The following TRPM3 variants were observed in gnomAD, a reference collection of about 807,000 sequenced individuals.
The protein encoded by TRPM3 is long transient receptor potential channel 3.
In TRPM3, 77 loss-of-function variants were observed where a neutral mutation model predicts 181.2. The ratio of observed to expected loss-of-function variants is 0.42; its 90% CI spans 0.35 to 0.51. The LOEUF is 0.51. TRPM3 is among the 20% of genes least tolerant of loss of function. The pLI is 0.01. For synonymous variants in TRPM3, 745 were observed against 796.4 expected, an observed-to-expected ratio of 0.94 and a Z score of 1.09; for missense variants, 1,759 against 2,196.7, an observed-to-expected ratio of 0.80 and a Z score of 3.98.
chr9:70,695,734 C>T (rs2070175870), intron 8 of TRPM3, among the ~76,000 whole-genome samples: 1 of 152,190 alleles, frequency 6.6e-6, no homozygotes, highest in Non-Finnish European at 1.5e-5. Flanking sequence ...TGGGCAAGCA[C>T]TTCACAAACA....
At chr9:71,351,782 C>G (rs1233043975) in intron 1 of TRPM3, among the ~76,000 whole-genome samples, 1 of 151,320 alleles carries the variant, frequency 6.6e-6, no homozygotes, top group Non-Finnish European at 1.5e-5. Flanking sequence ...ATGATAAACA[C>G]TAAGTCCAAC....
At chr9:71,317,446 C>G (rs1016106966) in intron 1 of TRPM3, among the ~76,000 whole-genome samples, 5 of 152,034 alleles carry the variant, frequency 3.3e-5, no homozygotes, top group African/African-American at 1.2e-4. Context: ...TCAAGACCAG[C>G]CTGGGCAACA....
intron 1 of TRPM3, among the ~76,000 whole-genome samples, chr9:71,423,035 C>T (rs1698283099): frequency 6.6e-6 from 1 of 152,050 alleles, no homozygotes; most frequent in South Asian, 2.1e-4. Context: ...CTACGACAAT[C>T]CCCTATATAG....
At position 70,940,525 on chromosome 9, in the gene TRPM3, G is replaced by A. The variant is rs189332494; in HGVS notation, c.178-76014C>T. Among the ~76,000 whole-genome samples, 14 of 152,282 alleles carry A rather than the reference G, an allele frequency of 9.2e-5. No homozygotes were observed. The East Asian group carries it at 2.7e-3, about 29-fold the overall frequency. On this transcript the variant is annotated intron_variant, in intron 1 of 25. Transcript: ENST00000677713. Reference sequence around the variant, plus strand: ...TGCTAAGTGCTATGCTAGGTGATGGGGTGTTCCTTGCCCTTATGGGGCTTA... The same window carrying A: ...TGCTAAGTGCTATGCTAGGTGATGGAGTGTTCCTTGCCCTTATGGGGCTTA...
chr9:70,753,229 C>G (rs1288390063), intron 8 of TRPM3, among the ~76,000 whole-genome samples: 1 of 151,526 alleles, frequency 6.6e-6, no homozygotes, highest in Non-Finnish European at 1.5e-5. Context: ...TTGAGAATTT[C>G]TATTTATCAA....
chr9:71,144,129 T>C (rs552822428), intron 1 of TRPM3, among the ~76,000 whole-genome samples: 1 of 152,282 alleles, frequency 6.6e-6, no homozygotes, highest in South Asian at 2.1e-4. Context: ...ACCATAATAT[T>C]CCTTACATTG....
At chr9:71,288,185 T>G (rs2085462668) in intron 1 of TRPM3, among the ~76,000 whole-genome samples, 1 of 151,144 alleles carries the variant, frequency 6.6e-6, no homozygotes, top group Non-Finnish European at 1.5e-5. Flanking sequence ...TTAAATATAT[T>G]TTTAACTTAT....
intron 1 of TRPM3, among the ~76,000 whole-genome samples, chr9:71,408,245 G>A (rs1280327771): frequency 6.6e-6 from 1 of 152,172 alleles, no homozygotes; most frequent in East Asian, 1.9e-4. Context: ...GCAGGATGGA[G>A]AACGACTTTG....
chr9:71,144,850 GGT>G, intron 1 of TRPM3, among the ~76,000 whole-genome samples: 1 of 152,122 alleles, frequency 6.6e-6, no homozygotes. Flanking sequence ...GAACAGCATT[GGT>G]GTTTTTATTA....
chr9:71,241,386 T>G (rs1565375667), intron 1 of TRPM3, among the ~76,000 whole-genome samples: 1 of 150,822 alleles, frequency 6.6e-6, no homozygotes, highest in Non-Finnish European at 1.5e-5. Context: ...CTCAGCAAAC[T>G]ATCGCAAGGA....
chr9:70,983,053 G>A (rs923624932), intron 1 of TRPM3, among the ~76,000 whole-genome samples: 7 of 151,922 alleles, frequency 4.6e-5, no homozygotes, highest in Non-Finnish European at 8.8e-5. Context: ...ACTCAACCCC[G>A]TGAGTCTGTA....
chr9:71,420,642 AGAGAAAGAG>A (rs2093715970), intron 1 of TRPM3, among the ~76,000 whole-genome samples: 1 of 135,126 alleles, frequency 7.4e-6, no homozygotes. Flanking sequence ...AGAAAAAGAG[AGAGAAAGAG>A]AAAGAAAAAG....
At chr9:71,388,349 C>T (rs193028089) in intron 1 of TRPM3, among the ~76,000 whole-genome samples, 20 of 151,920 alleles carry the variant, frequency 1.3e-4, no homozygotes, top group South Asian at 8.3e-4. Context: ...TCTAAGTAAG[C>T]GCCTGGGTGA....
chr9:70,596,137 G>A (rs1413345958), intron 21 of TRPM3, among the ~76,000 whole-genome samples: 3 of 152,226 alleles, frequency 2.0e-5, no homozygotes, highest in Admixed American at 1.3e-4. Context: ...CATTTAGTAT[G>A]TATTATTTCT....
At chr9:71,172,508 G>A (rs1230670881) in intron 1 of TRPM3, among the ~76,000 whole-genome samples, 3 of 152,088 alleles carry the variant, frequency 2.0e-5, no homozygotes, top group African/African-American at 7.2e-5. Context: ...CTGGGCTCAA[G>A]CAATCCTCCC....
intron 22 of TRPM3, among the ~76,000 whole-genome samples, chr9:70,572,672 G>T (rs956564132): frequency 9.2e-5 from 14 of 152,014 alleles, no homozygotes; most frequent in African/African-American, 3.4e-4. Context: ...TGGGTTTTTG[G>T]AAAAAAATCA....
At chr9:70,560,794 A>G (rs528236189) in intron 22 of TRPM3, among the ~76,000 whole-genome samples, 9 of 152,382 alleles carry the variant, frequency 5.9e-5, no homozygotes. Context: ...TACACAGAAC[A>G]GTTTAAAAGT....
chr9:71,311,220 G>A (rs912257423), intron 1 of TRPM3, among the ~76,000 whole-genome samples: 2 of 152,068 alleles, frequency 1.3e-5, no homozygotes, highest in African/African-American at 4.8e-5. Context: ...TTCTCACTAA[G>A]GAATTTTTCT....
chr9:71,300,379 A>G (rs111447762), intron 1 of TRPM3, among the ~76,000 whole-genome samples: 2 of 152,158 alleles, frequency 1.3e-5, no homozygotes, highest in African/African-American at 2.4e-5. Flanking sequence ...CCTCCATTCA[A>G]TTGTAAAATC....
Sources: allele counts gnomAD v4.1 joint callset (sites outside exome capture counted in the v4.1 genomes callset), GRCh38; gene constraint gnomAD v4.1.1; transcripts MANE v1.5; gene names NCBI Gene and HGNC (gene_info 2026-07-23, HGNC 2026-07-21).